Variants in KDM5A observed in about 807,000 individuals in gnomAD.
The protein encoded by KDM5A is lysine demethylase 5A.
In KDM5A, 42 loss-of-function variants were observed where a neutral mutation model predicts 193.5. That is an observed-to-expected ratio of 0.22 (90% CI 0.17 to 0.28). KDM5A has a LOEUF of 0.28. KDM5A is among the 10% of genes least tolerant of loss of function. The pLI is 1.00. For synonymous variants in KDM5A, 796 were observed against 718.1 expected (o/e 1.11, Z -1.73); for missense variants, 1,692 against 2,055.1 (o/e 0.82, Z 3.42).
intron 10 of KDM5A, among the ~76,000 whole-genome samples, chr12:343,297 G>A (rs1340383178): frequency 6.6e-6 from 1 of 152,190 alleles, no homozygotes; most frequent in Non-Finnish European, 1.5e-5. Flanking sequence ...GGAGCCCACG[G>A]CAGCTCAACA....
chr12:334,166 G>T, intron 11 of KDM5A, 75 bp downstream of exon 11: 1 of 1,338,540 alleles, frequency 7.5e-7, no homozygotes, highest in Non-Finnish European at 1.1e-6. Context: ...AAACCTTAAA[G>T]ATCAAAAACC....
chr12:291,927 A>C (rs1943300091), intron 27 of KDM5A, among the ~76,000 whole-genome samples: 1 of 141,826 alleles, frequency 7.1e-6, no homozygotes, highest in African/African-American at 2.6e-5. Flanking sequence ...TTTGAGACAG[A>C]GTTTTGCTCT....
chr12:306,617 C>T (rs944127739), intron 24 of KDM5A, among the ~76,000 whole-genome samples: 2 of 151,892 alleles, frequency 1.3e-5, no homozygotes, highest in Admixed American at 1.3e-4. Context: ...GTGGCATGCA[C>T]CTGTAATTCC....
chr12:334,957 C>G (rs1257039470), intron 10 of KDM5A, among the ~76,000 whole-genome samples: 1 of 151,478 alleles, frequency 6.6e-6, no homozygotes, highest in East Asian at 1.9e-4. Flanking sequence ...TGACAGGATG[C>G]AGAAAGTCAC....
At chr12:342,853 C>G (rs937803884) in intron 10 of KDM5A, among the ~76,000 whole-genome samples, 1 of 151,212 alleles carries the variant, frequency 6.6e-6, no homozygotes, top group Non-Finnish European at 1.5e-5. Context: ...CAGCTTCCAG[C>G]GTGCTCAACG....
rs766221917 is a variant in KDM5A, at chr12:307,088, C to T, written c.3932G>A (p.Gly1311Glu). 1 of 1,614,096 alleles carries T rather than the reference C, an allele frequency of 6.2e-7. No individual in the cohort carries two copies. Among genetic ancestry groups the T allele is most frequent in the Admixed American group, 1.7e-5 (1 of 60,018 alleles). ...QKAAANPDLQ[G>E]HLPSFQQSAF... is the part of the protein sequence containing the mutation. ...AGACTGCTGGAAACTAGGTAAGTGT[C>T]CCTAAACAACAAATAATTCCAAGAT... Residue 1311 changes from glycine to glutamate, a missense_variant and splice_region_variant, in exon 24 of 28, where the codon GGA (glycine) becomes GAA (glutamate). Gly to Glu is a moderately conservative substitution (Grantham distance 98, BLOSUM62 -2). Transcript: ENST00000399788. This position sits in a 1 kb window ranked among gnomAD's most constrained non-coding sequence, Gnocchi z 4.3.
intron 17 of KDM5A, 38 bp from the exon 18 acceptor site, chr12:321,147 T>C: frequency 7.0e-7 from 1 of 1,434,886 alleles, no homozygotes; most frequent in Non-Finnish European, 9.8e-7. Flanking sequence ...GTAAGAAAAA[T>C]TCAGTCATTC....
chr12:374,454 A>G (rs1437617729), intron 3 of KDM5A, among the ~76,000 whole-genome samples: 1 of 151,866 alleles, frequency 6.6e-6, no homozygotes, highest in Non-Finnish European at 1.5e-5. Flanking sequence ...CTTTATTTTG[A>G]GCCTGTGTGT....
chr12:317,253 T>A lies in KDM5A; in HGVS notation c.2897+853A>T, dbSNP rs145289444. Among the ~76,000 whole-genome samples, 453 of 152,298 alleles carry A rather than the reference T, an allele frequency of 3.0e-3. 1 individual carries two copies. The highest frequency in any genetic ancestry group is 0.01 in the African/African-American group (432 of 41,558). ...TATTTTCTGTCACCTGAACACGCCC[T>A]AAATATTCCTTAAACTCAGTTTCTG... On this transcript the variant is annotated intron_variant, in intron 19 of 27. Coordinates refer to ENST00000399788, the MANE Select transcript of KDM5A (RefSeq NM_001042603.3).
intron 1 of KDM5A, 117 bp from the exon 2 acceptor site, chr12:386,091 G>A (rs1591945261): frequency 2.8e-6 from 2 of 726,354 alleles, no homozygotes; most frequent in Middle Eastern, 5.7e-4. Flanking sequence ...TAACTTACAA[G>A]TCTTCTTTAT....
At chr12:372,716 T>C (rs376923986) in intron 3 of KDM5A, among the ~76,000 whole-genome samples, 3 of 152,236 alleles carry the variant, frequency 2.0e-5, no homozygotes, top group South Asian at 2.1e-4. Flanking sequence ...CAGTATGATA[T>C]TGGCTGTGGG....
intron 3 of KDM5A, among the ~76,000 whole-genome samples, chr12:378,291 C>A (rs1008631899): frequency 1.3e-5 from 2 of 151,486 alleles, no homozygotes; most frequent in Non-Finnish European, 2.9e-5. Context: ...TTTTTAAAGA[C>A]AGGGTCTTAC....
intron 10 of KDM5A, 103 bp downstream of exon 10, chr12:350,518 C>T (rs1944142927): frequency 7.2e-6 from 8 of 1,113,438 alleles, no homozygotes; most frequent in South Asian, 1.3e-5. Flanking sequence ...ACTGCCAAAT[C>T]CTACGTATTT....
intron 3 of KDM5A, among the ~76,000 whole-genome samples, chr12:366,979 T>C (rs953922333): frequency 2.0e-5 from 3 of 152,214 alleles, no homozygotes; most frequent in East Asian, 3.8e-4. Flanking sequence ...CAGTATTCAG[T>C]AGAGTAACAG....
chr12:292,982 A>G lies in KDM5A; in HGVS notation c.4643T>C (p.Leu1548Pro). The G allele has an allele frequency of 6.2e-7, 1 of 1,609,792 alleles. No individual in the cohort carries two copies. The highest frequency in any genetic ancestry group is 2.2e-5 in the East Asian group (1 of 44,834). Reference sequence around the variant, plus strand: ...TGCTAGTTTCTTGGCCAGTTTATTCAGCTCCTTTGATTTGTCTGCACCTAA... The same window carrying G: ...TGCTAGTTTCTTGGCCAGTTTATTCGGCTCCTTTGATTTGTCTGCACCTAA... ...LKLGADKSKE[L>P]NKLAKKLAKE... The change falls in exon 27 of 28, where the codon CTG becomes CCG. Residue 1548 changes from leucine to proline, a missense_variant. By Grantham distance (98) the Leu-to-Pro change is moderately conservative. Transcript: ENST00000399788.
At chr12:363,199 G>A in intron 4 of KDM5A, 102 bp from the exon 5 acceptor site, 1 of 1,317,164 alleles carries the variant, frequency 7.6e-7, no homozygotes, top group Non-Finnish European at 1.1e-6. Context: ...CCTAAAACTA[G>A]ACCGCAATTA....
intron 3 of KDM5A, among the ~76,000 whole-genome samples, chr12:372,499 G>C (rs1439724575): frequency 6.6e-6 from 1 of 152,224 alleles, no homozygotes; most frequent in Admixed American, 6.5e-5. Context: ...GGGCTGAGAT[G>C]ATGGGGTTTT....
In KDM5A at chr12:323,076, T is replaced by C; in HGVS notation, c.2275+6A>G. The C allele has an allele frequency of 1.2e-6, 2 of 1,612,826 alleles. No individual in the cohort carries two copies. Among genetic ancestry groups the C allele is most frequent in the Non-Finnish European group, 8.5e-7 (1 of 1,179,512 alleles). ...AGTATATGCATACAAAAGAAGGAAA[T>C]TTAACCTTTTTTGTGGTTGAAGTTA... On this transcript the variant is annotated splice_donor_region_variant and intron_variant, in intron 16 of 27. Transcript: ENST00000399788.
At position 331,882 on chromosome 12, in the gene KDM5A, A is replaced by G; in HGVS notation, c.1710T>C (p.Tyr570=). Residue 570 remains tyrosine (Y), a synonymous_variant, in exon 13 of 28, where the codon TAT becomes TAC. Transcript: ENST00000399788. ...TGTAGCCCTGGTTAAATCCAGAGTG[A>G]TAGGCACGAGGAAATGTCACAACAA... ...GEFVVTFPRA[Y]HSGFNQGYNF... 1 of 1,614,108 alleles carries G rather than the reference A, an allele frequency of 6.2e-7. No homozygotes were observed.
Sources: allele counts gnomAD v4.1 joint callset (sites outside exome capture counted in the v4.1 genomes callset), GRCh38; gene constraint gnomAD v4.1.1; non-coding constraint Gnocchi (gnomAD v3.1); transcripts MANE v1.5; gene names NCBI Gene and HGNC (gene_info 2026-07-23, HGNC 2026-07-21).